The following SCLT1 variants were observed in gnomAD, a reference collection of about 807,000 sequenced individuals.
The protein encoded by SCLT1 is sodium channel-associated protein 1.
Under a neutral mutation model 112.8 loss-of-function variants are expected in SCLT1, and 78 were observed. The ratio of observed to expected loss-of-function variants is 0.69; its 90% CI spans 0.58 to 0.83. The LOEUF is 0.83. SCLT1 is among the 40% of genes least tolerant of loss of function. The pLI is 0.00. For synonymous variants in SCLT1, 257 were observed against 254.7 expected (o/e 1.01, Z -0.09); for missense variants, 747 against 770.4 (o/e 0.97, Z 0.36).
rs569964849 is a variant in SCLT1, at chr4:129,029,017, T to C, written c.290+10024A>G. ...AGTTAGAATGGCAATCATTAAAAAG[T>C]CAGGAAACAACAGGTGCTGGAGAGG... is the stretch of plus-strand genomic sequence containing the variant. On this transcript the variant is annotated intron_variant, in intron 5 of 20. Coordinates refer to ENST00000281142, the MANE Select transcript of SCLT1 (RefSeq NM_144643.4). Among the ~76,000 whole-genome samples, 93 of 152,174 alleles carry C rather than the reference T, an allele frequency of 6.1e-4. 2 individuals are homozygous for C. In the South Asian group the frequency reaches 0.018, roughly 30 times the overall value.
At position 129,072,917 on chromosome 4, in the gene SCLT1, C is replaced by T. The variant is rs192334519; in HGVS notation, c.102+9389G>A. On this transcript the variant is annotated intron_variant, in intron 2 of 20. Coordinates refer to ENST00000281142, the MANE Select transcript of SCLT1 (RefSeq NM_144643.4). Reference sequence around the variant, plus strand: ...ATCAGGGTTGGTGTTCTGGTTCCTTCTCATTTAGGTAGGCTCTATCAGAGG... The same window carrying T: ...ATCAGGGTTGGTGTTCTGGTTCCTTTTCATTTAGGTAGGCTCTATCAGAGG... Among the ~76,000 whole-genome samples, 758 of 152,154 alleles carry T rather than the reference C, an allele frequency of 5.0e-3. 6 individuals are homozygous for T. The highest frequency in any genetic ancestry group is 0.017 in the African/African-American group (716 of 41,528).
intron 5 of SCLT1, among the ~76,000 whole-genome samples, chr4:129,029,070 C>G (rs534345840): frequency 6.6e-6 from 1 of 152,160 alleles, no homozygotes; most frequent in South Asian, 2.1e-4. Flanking sequence ...CACTTTTACA[C>G]TGTTGGTGGG....
chr4:128,991,058 T>C (rs188119839), intron 9 of SCLT1, among the ~76,000 whole-genome samples: 1 of 151,830 alleles, frequency 6.6e-6, no homozygotes, highest in East Asian at 1.9e-4. Flanking sequence ...ATGACATTCT[T>C]TACAGAAATA....
intron 5 of SCLT1, among the ~76,000 whole-genome samples, chr4:129,016,522 G>A (rs150705102): frequency 1.3e-5 from 2 of 152,270 alleles, no homozygotes; most frequent in Non-Finnish European, 2.9e-5. Flanking sequence ...TACCATGTTA[G>A]CGTCAATCTT....
intron 17 of SCLT1, among the ~76,000 whole-genome samples, chr4:128,939,534 C>T (rs1278834866): frequency 6.6e-6 from 1 of 152,062 alleles, no homozygotes; most frequent in Admixed American, 6.5e-5. Context: ...TTTATGGTCT[C>T]TCTTCTTTCT....
intron 9 of SCLT1, among the ~76,000 whole-genome samples, chr4:128,985,613 C>A (rs955181578): frequency 1.3e-5 from 2 of 152,226 alleles, no homozygotes; most frequent in African/African-American, 4.8e-5. Flanking sequence ...TGTCTTCTCA[C>A]TGACTATGAG....
At chr4:129,005,729 C>T (rs532765626) in intron 5 of SCLT1, among the ~76,000 whole-genome samples, 51 of 151,024 alleles carry the variant, frequency 3.4e-4, no homozygotes, top group African/African-American at 8.0e-4. Context: ...ATGTTTATTG[C>T]GGCATTATTC....
chr4:129,051,659 T>C (rs1748805180), intron 2 of SCLT1, among the ~76,000 whole-genome samples: 1 of 152,210 alleles, frequency 6.6e-6, no homozygotes, highest in Non-Finnish European at 1.5e-5. Flanking sequence ...TATATAATCA[T>C]GTCATCTCCA....
At chr4:128,901,811 T>C (rs1734331576) in intron 18 of SCLT1, among the ~76,000 whole-genome samples, 1 of 152,188 alleles carries the variant, frequency 6.6e-6, no homozygotes, top group African/African-American at 2.4e-5. Context: ...ATAAGAGATT[T>C]ATCAATCCTG....
At chr4:128,991,414 G>C (rs1027824365) in intron 9 of SCLT1, among the ~76,000 whole-genome samples, 2 of 151,798 alleles carry the variant, frequency 1.3e-5, no homozygotes, top group African/African-American at 2.4e-5. Flanking sequence ...ATTCATCTGG[G>C]TAAAGATTTC....
At chr4:128,969,433 G>A (rs1412329708) in intron 10 of SCLT1, among the ~76,000 whole-genome samples, 2 of 152,006 alleles carry the variant, frequency 1.3e-5, no homozygotes, top group East Asian at 3.9e-4. Context: ...TTAGCCAGGC[G>A]TGGCGGCGTG....
In SCLT1 at chr4:128,968,288, G is replaced by C. The variant is rs145488269; in HGVS notation, c.777+2090C>G. Among the ~76,000 whole-genome samples the C allele has an allele frequency of 1.6e-3, 247 of 152,012 alleles. 2 individuals carry two copies. The highest frequency in any genetic ancestry group is 0.014 in the East Asian group (70 of 5,166). On this transcript the variant is annotated intron_variant, in intron 10 of 20. Coordinates refer to ENST00000281142, the MANE Select transcript of SCLT1 (RefSeq NM_144643.4). The stretch of plus-strand genomic sequence containing the variant: ...AATCTTTTAAACTCTCTGTTCTTTG[G>C]ACAGGGAAATTTCTATTGATCTGAC...
At chr4:128,957,663 C>T (rs1278437561) in intron 12 of SCLT1, among the ~76,000 whole-genome samples, 1 of 152,124 alleles carries the variant, frequency 6.6e-6, no homozygotes, top group Non-Finnish European at 1.5e-5. Flanking sequence ...CATTTCCTTG[C>T]TTCTCTGAGA....
At chr4:128,972,863 T>C (rs1253340823) in intron 9 of SCLT1, among the ~76,000 whole-genome samples, 1 of 152,186 alleles carries the variant, frequency 6.6e-6, no homozygotes, top group Non-Finnish European at 1.5e-5. Flanking sequence ...TATTTAACAA[T>C]GATTCCTGGA....
At chr4:129,023,089 C>G (rs546380468) in intron 5 of SCLT1, among the ~76,000 whole-genome samples, 8 of 152,258 alleles carry the variant, frequency 5.3e-5, no homozygotes, top group African/African-American at 1.9e-4. Flanking sequence ...TAAAGACAAG[C>G]AAATGCTGAG....
At position 128,917,866 on chromosome 4, in the gene SCLT1, T is replaced by A. The variant is rs558588675; in HGVS notation, c.1829+18789A>T. 6.8e-4 allele frequency among the ~76,000 whole-genome samples: 103 copies of A among 152,102 alleles called. 2 individuals carry two copies. In the South Asian group the frequency reaches 0.02, roughly 29 times the overall value. ...GAGAGAAAGGGGTGTGGTGGAGAGA[T>A]CCTCTCCATCGTTGATCTGGCATCC... On this transcript the variant is annotated intron_variant, in intron 18 of 20. Transcript: ENST00000281142.
chr4:128,986,838 G>A (rs1446728676), intron 9 of SCLT1, among the ~76,000 whole-genome samples: 6 of 152,106 alleles, frequency 3.9e-5, no homozygotes, highest in Non-Finnish European at 8.8e-5. Flanking sequence ...GGTTAGCCCC[G>A]GTATTGTACT....
At chr4:129,032,571 A>T (rs182904386) in intron 5 of SCLT1, among the ~76,000 whole-genome samples, 150 of 152,258 alleles carry the variant, frequency 9.9e-4, no homozygotes, top group African/African-American at 3.5e-3. Context: ...AATGGGAGAA[A>T]ATTTTTTCAA....
intron 5 of SCLT1, chr4:129,037,079 G>A (rs1237574676): frequency 6.6e-6 from 1 of 151,556 alleles, no homozygotes; most frequent in Non-Finnish European, 1.5e-5. Flanking sequence ...ATGACATTAG[G>A]CTGAGAAAGG....
Sources: gnomAD v4.1 joint callset for allele counts (sites outside exome capture counted in the v4.1 genomes callset) on GRCh38, gnomAD v4.1.1 for gene constraint, MANE v1.5 for transcripts, NCBI Gene and HGNC (gene_info 2026-07-23, HGNC 2026-07-21) for gene names.